NBEA: variants seen among roughly 807,000 people sequenced by gnomAD.
NBEA encodes lysosomal-trafficking regulator 2.
NBEA carries 44 observed loss-of-function variants against 343.4 expected under a neutral mutation model. The ratio of observed to expected loss-of-function variants is 0.13; its 90% CI spans 0.10 to 0.16. The LOEUF (loss-of-function observed/expected upper bound fraction) is 0.16, where lower values mean the gene tolerates loss of function less well. Among genes scored for constraint, NBEA ranks in the 10% least tolerant of loss-of-function variants. NBEA has a pLI of 1.00. For missense variants in NBEA, 2,555 were observed against 3,631.3 expected, an observed-to-expected ratio of 0.70 and a Z score of 7.62; for synonymous variants, 1,175 against 1,238.7, an observed-to-expected ratio of 0.95 and a Z score of 1.08.
intron 1 of NBEA, among the ~76,000 whole-genome samples, chr13:35,020,415 A>G (rs1296187043): frequency 1.3e-5 from 2 of 152,102 alleles, no homozygotes; most frequent in African/African-American, 4.8e-5. Context: ...TCTTAGCTTG[A>G]TGACTGTTTC....
At chr13:35,618,759 A>T (rs2082847901) in intron 48 of NBEA, among the ~76,000 whole-genome samples, 1 of 152,346 alleles carries the variant, frequency 6.6e-6, no homozygotes, top group East Asian at 1.9e-4. Flanking sequence ...CAAAGGACAG[A>T]AATAGAAAGT....
chr13:35,228,954 G>A (rs1334432640), intron 33 of NBEA, among the ~76,000 whole-genome samples: 2 of 152,124 alleles, frequency 1.3e-5, no homozygotes, highest in African/African-American at 4.8e-5. Flanking sequence ...GTGCAGGGCA[G>A]ATTCCCCTAC....
intron 6 of NBEA, among the ~76,000 whole-genome samples, chr13:35,052,917 C>T (rs774809974): frequency 6.6e-5 from 10 of 151,936 alleles, no homozygotes; most frequent in Non-Finnish European, 1.3e-4. Flanking sequence ...GTTAATGGTA[C>T]CCTTACCCAT....
At chr13:35,437,427 A>T (rs932396962) in intron 39 of NBEA, among the ~76,000 whole-genome samples, 1 of 152,170 alleles carries the variant, frequency 6.6e-6, no homozygotes, top group Non-Finnish European at 1.5e-5. Flanking sequence ...TCAGTTGGAA[A>T]ATATCCTTTA....
At chr13:35,496,662 A>T (rs998473301) in intron 41 of NBEA, among the ~76,000 whole-genome samples, 1 of 151,744 alleles carries the variant, frequency 6.6e-6, no homozygotes, top group Admixed American at 6.6e-5. Flanking sequence ...AATAGAAAAG[A>T]AAAGAAAAAG....
chr13:35,639,251 GT>G (rs1174582161), intron 49 of NBEA, among the ~76,000 whole-genome samples: 2 of 152,070 alleles, frequency 1.3e-5, no homozygotes, highest in African/African-American at 4.8e-5. Context: ...TTTTTATATA[GT>G]TTAATATTTA....
intron 13 of NBEA, among the ~76,000 whole-genome samples, chr13:35,117,094 T>TA (rs1361211642): frequency 1.3e-5 from 2 of 151,848 alleles, no homozygotes; most frequent in Admixed American, 1.3e-4. Flanking sequence ...CCTATTAATG[T>TA]AATAAAAACA....
At chr13:35,239,288 A>G (rs550729378) in intron 34 of NBEA, among the ~76,000 whole-genome samples, 1 of 152,234 alleles carries the variant, frequency 6.6e-6, no homozygotes, top group East Asian at 1.9e-4. Context: ...GCTACATGAT[A>G]TACATGATAT....
intron 1 of NBEA, among the ~76,000 whole-genome samples, chr13:34,960,138 G>A (rs944755685): frequency 6.6e-6 from 1 of 152,044 alleles, no homozygotes; most frequent in Non-Finnish European, 1.5e-5. Context: ...TGTGGCGGTG[G>A]AAGACAGTGT....
intron 1 of NBEA, among the ~76,000 whole-genome samples, chr13:35,017,506 G>A (rs73487665): frequency 0.081 from 12,314 of 152,122 alleles, 618 homozygotes; most frequent in African/African-American, 0.13. Flanking sequence ...ATTTGAATCT[G>A]GTAGATGGAT....
intron 1 of NBEA, among the ~76,000 whole-genome samples, chr13:34,998,935 C>G (rs996560710): frequency 6.6e-5 from 10 of 152,068 alleles, no homozygotes; most frequent in African/African-American, 1.2e-4. Flanking sequence ...AATTTATGTT[C>G]AGAGATTGCA....
intron 34 of NBEA, among the ~76,000 whole-genome samples, chr13:35,236,133 T>C (rs1193910160): frequency 1.3e-5 from 2 of 152,186 alleles, no homozygotes; most frequent in East Asian, 1.9e-4. Context: ...TTTTGCTTTT[T>C]AAATGCCAGT....
chr13:35,290,471 A>T (rs1192432904), intron 35 of NBEA, 21 bp downstream of exon 35: 3 of 1,572,100 alleles, frequency 1.9e-6, no homozygotes, highest in Non-Finnish European at 2.6e-6. Flanking sequence ...CCATTCACTC[A>T]GTTACATTAA....
At chr13:35,472,606 G>A in intron 41 of NBEA, 70 bp downstream of exon 41, 1 of 1,566,894 alleles carries the variant, frequency 6.4e-7, no homozygotes, top group Non-Finnish European at 8.8e-7. Context: ...ATTTTGTTTG[G>A]TTTTACCTGA....
At chr13:34,975,465 G>A (rs1450309783) in intron 1 of NBEA, among the ~76,000 whole-genome samples, 3 of 151,978 alleles carry the variant, frequency 2.0e-5, no homozygotes, top group African/African-American at 4.8e-5. Flanking sequence ...ACTAAGACCT[G>A]AAACCATAAA....
At chr13:35,260,384 C>A (rs1458482157) in intron 34 of NBEA, among the ~76,000 whole-genome samples, 1 of 152,160 alleles carries the variant, frequency 6.6e-6, no homozygotes, top group Non-Finnish European at 1.5e-5. Context: ...GAAAATTGGA[C>A]AAAATATATG....
At chr13:35,174,330 C>T (rs2070706603) in intron 27 of NBEA, among the ~76,000 whole-genome samples, 1 of 151,796 alleles carries the variant, frequency 6.6e-6, no homozygotes, top group African/African-American at 2.4e-5. Context: ...TTTTTGACAC[C>T]CTCGCTACCA....
In NBEA at chr13:35,493,616, C is replaced by G. The variant is rs373093661; in HGVS notation, c.6585+21080C>G. Reference sequence around the variant, plus strand: ...CATATCATATAACTTTCTTTAGTTTCCCAGTAGAGTGAGGAAGCCCTCCAT... The same window carrying G: ...CATATCATATAACTTTCTTTAGTTTGCCAGTAGAGTGAGGAAGCCCTCCAT... On this transcript the variant is annotated intron_variant, in intron 41 of 58. Transcript: ENST00000379939. Among the ~76,000 whole-genome samples, 17 of 151,986 alleles carry G rather than the reference C, an allele frequency of 1.1e-4. No homozygotes were observed. In the South Asian group the frequency reaches 3.1e-3, roughly 28 times the overall value.
chr13:35,482,584 A>T (rs1270068513), intron 41 of NBEA, among the ~76,000 whole-genome samples: 1 of 151,630 alleles, frequency 6.6e-6, no homozygotes, highest in Admixed American at 6.6e-5. Context: ...AATTAGAAGC[A>T]TGAACAGCAT....
Sources: gnomAD v4.1 joint callset for allele counts (sites outside exome capture counted in the v4.1 genomes callset) on GRCh38, gnomAD v4.1.1 for gene constraint, MANE v1.5 for transcripts, NCBI Gene and HGNC (gene_info 2026-07-23, HGNC 2026-07-21) for gene names.